TENM4: variants seen among roughly 807,000 people sequenced by gnomAD.
TENM4 encodes the protein teneurin transmembrane protein 4, also known as teneurin-4.
Under a neutral mutation model 243.3 loss-of-function variants are expected in TENM4, and 82 were observed. The ratio of observed to expected loss-of-function variants is 0.34; its 90% CI spans 0.28 to 0.40. The LOEUF is 0.40. Among genes scored for constraint, TENM4 ranks in the 10% least tolerant of loss-of-function variants. The pLI is 1.00. For synonymous variants in TENM4, 1,412 were observed against 1,456.3 expected (o/e 0.97, Z 0.69); for missense variants, 3,138 against 3,673.3 (o/e 0.85, Z 3.77).
intron 18 of TENM4, among the ~76,000 whole-genome samples, chr11:78,761,259 A>T (rs1167953802): frequency 2.8e-5 from 4 of 145,342 alleles, no homozygotes; most frequent in Non-Finnish European, 3.0e-5. Flanking sequence ...TTTTTTTTTG[A>T]GACGTTGTCT....
At chr11:79,434,177 A>T (rs1270135891) in intron 1 of TENM4, among the ~76,000 whole-genome samples, 1 of 152,242 alleles carries the variant, frequency 6.6e-6, no homozygotes, top group Non-Finnish European at 1.5e-5. Context: ...AGGGGACAAG[A>T]TGCCTAACAA....
At position 78,836,100 on chromosome 11, in the gene TENM4, G is replaced by A. The variant is rs1369841574; in HGVS notation, c.1681+18004C>T. 2.0e-5 allele frequency among the ~76,000 whole-genome samples: 3 copies of A among 152,234 alleles called. No individual in the cohort carries two copies. The East Asian group carries it at 5.8e-4, about 29-fold the overall frequency. On this transcript the variant is annotated intron_variant, in intron 12 of 33. Transcript: ENST00000278550. ...GGGGGCAGTATGGTGGCTCATGCCT[G>A]TAATCCCAGTACTTTGGGAGGCCGA...
At chr11:79,160,970 C>T (rs932469782) in intron 3 of TENM4, among the ~76,000 whole-genome samples, 3 of 152,250 alleles carry the variant, frequency 2.0e-5, no homozygotes, top group Admixed American at 6.5e-5. Flanking sequence ...AGAAAAAAGC[C>T]GGTTGCCTTC....
intron 24 of TENM4, among the ~76,000 whole-genome samples, chr11:78,721,213 A>G (rs1448870372): frequency 6.6e-6 from 1 of 152,246 alleles, no homozygotes; most frequent in Non-Finnish European, 1.5e-5. Context: ...TCCTTGACAG[A>G]TGTCTGTGCC....
rs565736228 is a variant in TENM4, at chr11:79,179,399, G to T, written c.-162-30593C>A. Among the ~76,000 whole-genome samples, 4 of 152,306 alleles carry T rather than the reference G, an allele frequency of 2.6e-5. No individual in the cohort carries two copies. In the East Asian group the frequency reaches 7.7e-4, roughly 29 times the overall value. Reference sequence around the variant, plus strand: ...GCTTTCATACCAGAACAGCAGAGTTGAGTAGTTGTGACAGAGTCCCAACAA... The same window carrying T: ...GCTTTCATACCAGAACAGCAGAGTTTAGTAGTTGTGACAGAGTCCCAACAA... On this transcript the variant is annotated intron_variant, in intron 3 of 33. Transcript: ENST00000278550.
At chr11:79,204,569 C>CA (rs1401028973) in intron 3 of TENM4, among the ~76,000 whole-genome samples, 2 of 152,096 alleles carry the variant, frequency 1.3e-5, no homozygotes, top group Non-Finnish European at 2.9e-5. Context: ...ACTAGACTGG[C>CA]AAAAACTAAC....
At chr11:79,159,352 G>A (rs995717369) in intron 3 of TENM4, among the ~76,000 whole-genome samples, 19 of 152,226 alleles carry the variant, frequency 1.2e-4, no homozygotes, top group African/African-American at 4.1e-4. Flanking sequence ...CTTACCCTAC[G>A]CACTAGGTAG....
At chr11:78,793,261 G>C (rs148329836) in intron 15 of TENM4, among the ~76,000 whole-genome samples, 4 of 152,082 alleles carry the variant, frequency 2.6e-5, no homozygotes, top group Admixed American at 6.5e-5. Context: ...ATACAAGTAG[G>C]GGGTAGAAGG....
intron 9 of TENM4, among the ~76,000 whole-genome samples, chr11:78,869,087 C>T (rs186102386): frequency 1.8e-3 from 273 of 152,066 alleles, no homozygotes; most frequent in Non-Finnish European, 2.5e-3. Context: ...TTTAAAAGTT[C>T]CAAACCAAGA....
intron 3 of TENM4, among the ~76,000 whole-genome samples, chr11:79,206,882 C>T (rs1478935698): frequency 1.3e-5 from 2 of 152,164 alleles, no homozygotes; most frequent in Non-Finnish European, 2.9e-5. Context: ...TGCCTAAATC[C>T]CTGCAAACAC....
intron 6 of TENM4, among the ~76,000 whole-genome samples, chr11:78,980,732 T>C (rs1857773621): frequency 6.6e-6 from 1 of 152,142 alleles, no homozygotes; most frequent in Admixed American, 6.5e-5. Context: ...ACTTTACTTA[T>C]AGAAAAGGGA....
At chr11:78,937,503 C>T (rs1268096473) in intron 6 of TENM4, among the ~76,000 whole-genome samples, 2 of 152,210 alleles carry the variant, frequency 1.3e-5, no homozygotes, top group Non-Finnish European at 1.5e-5. Flanking sequence ...TCCACCTTAA[C>T]ATTTCCCAAA....
At chr11:79,293,836 A>T (rs777451977) in intron 2 of TENM4, among the ~76,000 whole-genome samples, 1 of 152,192 alleles carries the variant, frequency 6.6e-6, no homozygotes, top group Non-Finnish European at 1.5e-5. Context: ...TAGCACACCA[A>T]TGGGGTTTCT....
intron 2 of TENM4, among the ~76,000 whole-genome samples, chr11:79,271,922 C>T (rs1373590562): frequency 6.6e-6 from 1 of 152,188 alleles, no homozygotes; most frequent in African/African-American, 2.4e-5. Context: ...GTACCAGAGA[C>T]TATGTCAGCC....
rs1858477922 is a variant in TENM4 at position 78,676,377 on chromosome 11, C to T, written c.5271G>A (p.Arg1757=). ...AFYTLLQDQV[R]NSYYIGADGS... is the part of the protein sequence containing the mutation. ...CATCGGCCCCGATGTAGTAGCTGTT[C>T]CGGACTTGGTCTGCAGGAGAGGACA... Residue 1757 remains arginine, a synonymous_variant, in exon 30 of 34, where the codon CGG becomes CGA. Transcript: ENST00000278550. The T allele has an allele frequency of 1.3e-6, 2 of 1,595,984 alleles. No homozygotes were observed. The highest frequency in any genetic ancestry group is 1.7e-5 in the Admixed American group (1 of 59,606).
intron 15 of TENM4, among the ~76,000 whole-genome samples, chr11:78,800,497 G>A (rs916047953): frequency 7.9e-5 from 12 of 152,134 alleles, no homozygotes; most frequent in African/African-American, 2.7e-4. Context: ...ATGAGGAGGT[G>A]GGGAGGAGGT....
At chr11:79,136,242 G>C (rs1470365218) in intron 4 of TENM4, among the ~76,000 whole-genome samples, 4 of 152,072 alleles carry the variant, frequency 2.6e-5, no homozygotes, top group African/African-American at 4.8e-5. Context: ...ACCTCTTTGA[G>C]TGATCAAAAG....
chr11:79,245,209 G>A (rs1855490918), intron 2 of TENM4, among the ~76,000 whole-genome samples: 4 of 152,166 alleles, frequency 2.6e-5, no homozygotes, highest in Admixed American at 2.6e-4. Context: ...CAGAAGCCCT[G>A]CAGCCATTGC....
intron 1 of TENM4, among the ~76,000 whole-genome samples, chr11:79,429,056 T>C (rs1859113418): frequency 1.3e-5 from 2 of 152,142 alleles, no homozygotes; most frequent in Non-Finnish European, 2.9e-5. Context: ...CAGGGTCAAG[T>C]AACTCTAAAT....
Sources: allele counts gnomAD v4.1 joint callset (sites outside exome capture counted in the v4.1 genomes callset), GRCh38; gene constraint gnomAD v4.1.1; transcripts MANE v1.5; gene names NCBI Gene and HGNC (gene_info 2026-07-23, HGNC 2026-07-21).